PLPPR1: variants seen among roughly 807,000 people sequenced by gnomAD.
The protein encoded by PLPPR1 is phospholipid phosphatase-related protein type 1.
A neutral mutation model predicts 33.1 loss-of-function variants in PLPPR1; 10 were observed. The ratio of observed to expected loss-of-function variants is 0.30; its 90% CI spans 0.19 to 0.51. The LOEUF is 0.51. Ranked by LOEUF, PLPPR1 falls within the 20% of genes least tolerant of loss-of-function variation. The probability of loss-of-function intolerance (pLI) is 0.97; values close to 1 mark genes in which losing one functional copy is unlikely to be tolerated. For missense variants in PLPPR1, 304 were observed against 408.1 expected, an observed-to-expected ratio of 0.74 and a Z score of 2.20; for synonymous variants, 151 against 151.0, an observed-to-expected ratio of 1.00 and a Z score of 0.00.
intron 2 of PLPPR1, among the ~76,000 whole-genome samples, chr9:101,228,915 C>G (rs1388668075): frequency 2.3e-5 from 3 of 129,372 alleles, no homozygotes. Context: ...ATGGATAAGA[C>G]AAGGAAAGAT....
At chr9:101,280,237 T>C (rs1243435034) in intron 3 of PLPPR1, among the ~76,000 whole-genome samples, 1 of 152,070 alleles carries the variant, frequency 6.6e-6, no homozygotes. Context: ...GATTGAGCCA[T>C]GAGGAAATCC....
intron 2 of PLPPR1, among the ~76,000 whole-genome samples, chr9:101,217,512 T>A (rs1164442499): frequency 6.6e-6 from 1 of 152,218 alleles, no homozygotes; most frequent in Non-Finnish European, 1.5e-5. Context: ...GGGCTCCACA[T>A]TCTCAATTTT....
intron 2 of PLPPR1, among the ~76,000 whole-genome samples, chr9:101,252,181 A>C (rs981977697): frequency 6.6e-6 from 1 of 152,182 alleles, no homozygotes; most frequent in Admixed American, 6.6e-5. Flanking sequence ...AATTCCATCC[A>C]TCAGCTGCAC....
At chr9:101,039,347 A>C (rs1830048725) in intron 1 of PLPPR1, among the ~76,000 whole-genome samples, 1 of 152,122 alleles carries the variant, frequency 6.6e-6, no homozygotes, top group South Asian at 2.1e-4. Context: ...TCCCACAGTG[A>C]TGTTTTTATG....
chr9:101,233,288 T>C (rs1827227731), intron 2 of PLPPR1, among the ~76,000 whole-genome samples: 1 of 151,990 alleles, frequency 6.6e-6, no homozygotes, highest in African/African-American at 2.4e-5. Context: ...CTTCATTTAC[T>C]TCTGAAAGTG....
intron 7 of PLPPR1, among the ~76,000 whole-genome samples, chr9:101,322,198 C>CAAAAAAAAAAAAAAAAAAAA (rs57344415): frequency 3.6e-5 from 1 of 27,668 alleles, no homozygotes; most frequent in Non-Finnish European, 6.7e-5. Flanking sequence ...GACTTCATCT[C>CAAAAAAAAAAAAAAAAAAAA]AAAAAAAAAA....
chr9:101,059,985 T>C (rs573935020), intron 1 of PLPPR1, among the ~76,000 whole-genome samples: 21 of 152,152 alleles, frequency 1.4e-4, no homozygotes, highest in Admixed American at 1.2e-3. Context: ...CCCGAAGGAA[T>C]TGAAATAAGT....
chr9:101,181,140 A>ATAATATATT (rs1826103730), intron 1 of PLPPR1, among the ~76,000 whole-genome samples: 2 of 147,734 alleles, frequency 1.4e-5, no homozygotes, highest in South Asian at 4.2e-4. Flanking sequence ...TTATATATCT[A>ATAATATATT]ATATATATTA....
chr9:101,211,590 A>G (rs1345622786), intron 2 of PLPPR1, among the ~76,000 whole-genome samples: 1 of 152,194 alleles, frequency 6.6e-6, no homozygotes, highest in Non-Finnish European at 1.5e-5. Flanking sequence ...ATTCTGGGAA[A>G]CAAATCTGAA....
intron 5 of PLPPR1, among the ~76,000 whole-genome samples, chr9:101,310,617 A>C (rs781118231): frequency 2.0e-5 from 3 of 152,258 alleles, no homozygotes; most frequent in Non-Finnish European, 4.4e-5. Flanking sequence ...GCAAAAACTC[A>C]TATGGGTTTC....
At chr9:101,284,322 A>G (rs1828351569) in intron 3 of PLPPR1, among the ~76,000 whole-genome samples, 1 of 152,176 alleles carries the variant, frequency 6.6e-6, no homozygotes, top group South Asian at 2.1e-4. Context: ...AACCTAGAGG[A>G]CATTATGTTA....
chr9:101,105,755 AG>A, intron 1 of PLPPR1, among the ~76,000 whole-genome samples: 1 of 49,822 alleles, frequency 2.0e-5, no homozygotes, highest in African/African-American at 9.0e-5. Context: ...GGGGTGTTAA[AG>A]TCTCCCATTA....
At position 101,281,342 on chromosome 9, in the gene PLPPR1, T is replaced by G. The variant is rs192087415; in HGVS notation, c.253-4762T>G. On this transcript the variant is annotated intron_variant, in intron 3 of 7. Transcript: ENST00000374874. The stretch of plus-strand genomic sequence containing the variant: ...AAAATGCCCATACTACCAAAAGTGA[T>G]CCACAGATTCAGTGCAATTCCTATA... Among the ~76,000 whole-genome samples the G allele has an allele frequency of 2.3e-4, 35 of 152,236 alleles. No individual in the cohort carries two copies. In the East Asian group the frequency reaches 3.3e-3, roughly 14 times the overall value.
chr9:101,314,662 G>C (rs1274666908), intron 6 of PLPPR1, among the ~76,000 whole-genome samples: 1 of 151,084 alleles, frequency 6.6e-6, no homozygotes, highest in Non-Finnish European at 1.5e-5. Flanking sequence ...CTTTAAAAAA[G>C]TGTTGACGCA....
intron 6 of PLPPR1, among the ~76,000 whole-genome samples, chr9:101,314,391 CA>C (rs1188610229): frequency 2.0e-5 from 3 of 152,184 alleles, no homozygotes; most frequent in African/African-American, 7.2e-5. Flanking sequence ...AAGATACAGA[CA>C]ATGCTCACAT....
intron 1 of PLPPR1, among the ~76,000 whole-genome samples, chr9:101,135,217 A>G (rs1482742052): frequency 6.6e-6 from 1 of 152,130 alleles, no homozygotes; most frequent in Non-Finnish European, 1.5e-5. Context: ...TTCTATCCAC[A>G]CCATATTCCC....
At chr9:101,154,584 T>G (rs1229208439) in intron 1 of PLPPR1, among the ~76,000 whole-genome samples, 1 of 152,132 alleles carries the variant, frequency 6.6e-6, no homozygotes, top group African/African-American at 2.4e-5. Flanking sequence ...ACTAGAAATA[T>G]CATTTGACCC....
At chr9:101,251,246 G>A (rs191194373) in intron 2 of PLPPR1, among the ~76,000 whole-genome samples, 1 of 152,136 alleles carries the variant, frequency 6.6e-6, no homozygotes, top group East Asian at 1.9e-4. Context: ...GCATATAGTA[G>A]GTGCTCAGCA....
intron 1 of PLPPR1, among the ~76,000 whole-genome samples, chr9:101,143,017 T>G (rs1469394354): frequency 6.6e-6 from 1 of 152,090 alleles, no homozygotes; most frequent in Non-Finnish European, 1.5e-5. Flanking sequence ...TTTTTTCTCT[T>G]GTAACATTTG....
Sources: allele counts gnomAD v4.1 joint callset (sites outside exome capture counted in the v4.1 genomes callset), GRCh38; gene constraint gnomAD v4.1.1; transcripts MANE v1.5; gene names NCBI Gene and HGNC (gene_info 2026-07-23, HGNC 2026-07-21).